CLEC4D: variants seen among roughly 807,000 people sequenced by gnomAD.
CLEC4D encodes C-type (calcium dependent, carbohydrate-recognition domain) lectin, superfamily member 8.
A neutral mutation model predicts 21.1 loss-of-function variants in CLEC4D; 21 were observed. The observed-to-expected ratio is 1.00, with a 90% CI of 0.71 to 1.43. The LOEUF is 1.43. Among genes scored for constraint, CLEC4D ranks in the 40% most tolerant of loss-of-function variants. The pLI, the probability that CLEC4D is intolerant of heterozygous loss-of-function variation, is 0.00. For synonymous variants in CLEC4D, 85 were observed against 83.1 expected (o/e 1.02, Z -0.12); for missense variants, 289 against 260.7 (o/e 1.11, Z -0.75).
At chr12:8,514,639 AC>A (rs1405886189) in intron 1 of CLEC4D, among the ~76,000 whole-genome samples, 1 of 152,088 alleles carries the variant, frequency 6.6e-6, no homozygotes, top group Non-Finnish European at 1.5e-5. Context: ...TTATTTTCTC[AC>A]TAAGAGTGCT....
At chr12:8,523,417 C>T (rs1591721500), downstream of CLEC4D, among the ~76,000 whole-genome samples, 1 of 152,228 alleles carries the variant, frequency 6.6e-6, no homozygotes, top group East Asian at 1.9e-4. Context: ...CTTCACATCC[C>T]TTGTTAGCTG....
At chr12:8,529,059 C>T in the CLEC4D span, among the ~76,000 whole-genome samples, 1 of 152,026 alleles carries the variant, frequency 6.6e-6, no homozygotes, top group African/African-American at 2.4e-5. Flanking sequence ...ATTTATATTG[C>T]ATTGTTGCAA....
chr12:8,521,606 T>C lies in CLEC4D; in HGVS notation c.*335T>C, dbSNP rs777389282. On this transcript the variant is annotated 3_prime_UTR_variant, in exon 6 of 6. Transcript: ENST00000299665. ...CGTGAATAATGCAATCTCTTTGTCA[T>C]TTTTCCCCTTCTCAGACTCTTAGCT... is the stretch of plus-strand genomic sequence containing the variant. 5.5e-6 allele frequency: 1 copy of C among 181,550 alleles called. No individual in the cohort carries two copies. Among genetic ancestry groups the C allele is most frequent in the South Asian group, 1.8e-4 (1 of 5,426 alleles). 11.2% of individuals were successfully genotyped at this position (181,550 alleles called of 1,614,324 possible).
chr12:8,520,127 TG>T (rs1940438939), intron 4 of CLEC4D, 98 bp from the exon 5 acceptor site: 1 of 1,486,696 alleles, frequency 6.7e-7, no homozygotes, highest in Non-Finnish European at 9.0e-7. Flanking sequence ...AGAGCTTTTG[TG>T]CTTAACCAGT....
chr12:8,520,757 AAAG>A (rs1235797713), intron 5 of CLEC4D, among the ~76,000 whole-genome samples: 1 of 152,212 alleles, frequency 6.6e-6, no homozygotes, highest in Non-Finnish European at 1.5e-5. Context: ...AAGAAAGTAA[AAAG>A]AAGCAAGTGA....
chr12:8,530,426 T>C, the CLEC4D span, among the ~76,000 whole-genome samples: 1 of 148,782 alleles, frequency 6.7e-6, no homozygotes, highest in Non-Finnish European at 1.5e-5. Context: ...GAGTTGCATA[T>C]GTCTAAATTT....
rs1413346786 is a variant in CLEC4D, at chr12:8,521,699, C to G, written c.*428C>G. 6.5e-6 allele frequency: 1 copy of G among 153,850 alleles called. No homozygotes were observed. The highest frequency in any genetic ancestry group is 1.4e-5 in the Non-Finnish European group (1 of 69,270). The allele number at this position is 153,850 out of a possible 1,614,324, so 9.5% of individuals were successfully genotyped here. A position where few individuals can be genotyped will look rare whatever the true frequency, so the allele number is the denominator to read the frequency against. On this transcript the variant is annotated 3_prime_UTR_variant, in exon 6 of 6. Transcript: ENST00000299665. Reference sequence around the variant, plus strand: ...TCATTTTTAACCCAAATATTGCAAGCACTTTAAAGATTTGAAACCACATTT... The same window carrying G: ...TCATTTTTAACCCAAATATTGCAAGGACTTTAAAGATTTGAAACCACATTT...
At position 8,518,990 on chromosome 12, in the gene CLEC4D, G is replaced by A. The variant is rs753298437; in HGVS notation, c.233-19G>A. The A allele has an allele frequency of 4.6e-5, 74 of 1,610,154 alleles. No homozygotes were observed. Among genetic ancestry groups the A allele is most frequent in the Non-Finnish European group, 5.9e-5 (69 of 1,178,206 alleles). ...AAATGCTCTTTTGTTACCAATTTCCGTTTTAATTTTCACTTGAGGGAGCAC... is the reference window on the plus strand; with the variant it reads ...AAATGCTCTTTTGTTACCAATTTCCATTTTAATTTTCACTTGAGGGAGCAC... On this transcript the variant is annotated intron_variant, in intron 3 of 5. Transcript: ENST00000299665.
chr12:8,518,956 T>C (rs1270744158), intron 3 of CLEC4D, 53 bp from the exon 4 acceptor site: 13 of 1,587,126 alleles, frequency 8.2e-6, no homozygotes, highest in Non-Finnish European at 1.1e-5. Flanking sequence ...ATGCAATCTG[T>C]TACAGATGAA....
chr12:8,529,395 AC>A, the CLEC4D span, among the ~76,000 whole-genome samples: 1 of 152,204 alleles, frequency 6.6e-6, no homozygotes, highest in Admixed American at 6.5e-5. Context: ...TGGGAGGATT[AC>A]TTGAGGCCAG....
the CLEC4D span, among the ~76,000 whole-genome samples, chr12:8,530,279 T>C: frequency 6.6e-6 from 1 of 152,188 alleles, no homozygotes; most frequent in Non-Finnish European, 1.5e-5. Context: ...CTATAGCAGC[T>C]TTATGCAACA....
chr12:8,520,115 C>A, intron 4 of CLEC4D, 111 bp from the exon 5 acceptor site: 1 of 1,447,884 alleles, frequency 6.9e-7, no homozygotes, highest in South Asian at 1.4e-5. Context: ...CTATCTGATG[C>A]CAGAGCTTTT....
chr12:8,528,356 T>C, the CLEC4D span, among the ~76,000 whole-genome samples: 12 of 152,174 alleles, frequency 7.9e-5, no homozygotes, highest in Admixed American at 6.5e-4. Flanking sequence ...AGAGAGTCCC[T>C]ACCAGCAAGA....
Position 8,513,738 on chromosome 12 carries a change from G to C in CLEC4D, c.6G>C (p.Gly2=), listed in dbSNP as rs73250518. The C allele has an allele frequency of 6.9e-3, 7,903 of 1,152,090 alleles. 360 individuals are homozygous for C. The African/African-American group carries it at 0.1, about 15-fold the overall frequency. 71.4% of individuals were successfully genotyped at this position (1,152,090 alleles called of 1,614,324 possible). M[G]LEKPQSKLEG... ...AACAAGAGACTAATTAGACAATGGG[G>C]CTAGAAAAACCTCAAAGTAAACGTG... Residue 2 remains glycine, a synonymous_variant, in exon 1 of 6, where the codon GGG becomes GGC. Coordinates refer to ENST00000299665, the MANE Select transcript of CLEC4D (RefSeq NM_080387.5).
the CLEC4D span, among the ~76,000 whole-genome samples, chr12:8,529,647 T>G: frequency 2.6e-5 from 4 of 152,066 alleles, no homozygotes; most frequent in African/African-American, 9.7e-5. Flanking sequence ...ATTAACTCCA[T>G]AAAAAGCAAA....
At chr12:8,529,695 G>C in the CLEC4D span, among the ~76,000 whole-genome samples, 2 of 152,154 alleles carry the variant, frequency 1.3e-5, no homozygotes, top group South Asian at 4.1e-4. Flanking sequence ...ACAGCAAATG[G>C]TTCAGCTGTG....
Position 8,521,657 on chromosome 12 carries a change from T to C in CLEC4D, c.*386T>C, listed in dbSNP as rs6487219. The C allele has an allele frequency of 0.07, 11,021 of 156,770 alleles. 763 individuals carry two copies. Among genetic ancestry groups the C allele is most frequent in the African/African-American group, 0.18 (7,594 of 41,644 alleles). 9.7% of individuals were successfully genotyped at this position (156,770 alleles called of 1,614,324 possible). ...CTTAAAATTCAAAGATGGGATATTC[T>C]AACTGGTAGTGGTGCATCATTTTTA... On this transcript the variant is annotated 3_prime_UTR_variant, in exon 6 of 6. Transcript: ENST00000299665.
intron 1 of CLEC4D, 90 bp downstream of exon 1, chr12:8,513,850 T>C: frequency 1.3e-6 from 1 of 748,290 alleles, no homozygotes; most frequent in Non-Finnish European, 2.4e-6. Flanking sequence ...TTAAAGATTG[T>C]TGATGATGAC....
intron 1 of CLEC4D, 55 bp from the exon 2 acceptor site, chr12:8,515,181 C>T (rs1940362057): frequency 1.1e-6 from 1 of 883,904 alleles, no homozygotes; most frequent in Non-Finnish European, 1.9e-6. Flanking sequence ...GTAGAATTAG[C>T]TTTCCTAGCT....
Sources: allele counts gnomAD v4.1 joint callset (sites outside exome capture counted in the v4.1 genomes callset), GRCh38; gene constraint gnomAD v4.1.1; transcripts MANE v1.5; gene names NCBI Gene and HGNC (gene_info 2026-07-23, HGNC 2026-07-21).